Variants in TRIOBP observed in about 807,000 individuals in gnomAD.
TRIOBP encodes the protein TRIO and F-actin binding protein, also known as TRIO and F-actin-binding protein.
In TRIOBP, 169 loss-of-function variants were observed where a neutral mutation model predicts 238.8. The ratio of observed to expected loss-of-function variants is 0.71; its 90% CI spans 0.62 to 0.80. The LOEUF is 0.80. Ranked by LOEUF, TRIOBP falls within the 30% of genes least tolerant of loss-of-function variation. The pLI, the probability that TRIOBP is intolerant of heterozygous loss-of-function variation, is 0.00. For missense variants in TRIOBP, 2,838 were observed against 3,122.6 expected (o/e 0.91, Z 2.17); for synonymous variants, 1,150 against 1,274.4 (o/e 0.90, Z 2.08).
At position 37,759,245 on chromosome 22, in the gene TRIOBP, C is replaced by G. The variant is rs764692958; in HGVS notation, c.6305C>G (p.Pro2102Arg). Residue 2102 changes from proline (P) to arginine (R), a missense_variant, in exon 17 of 24, where the codon CCC becomes CGC. Physicochemically the swap from Pro to Arg is moderately radical, Grantham distance 103. This residue lies in a region of TRIOBP where 2,096 missense variants were observed against 2,137.4 expected (regional missense o/e 0.98). Transcript: ENST00000644935. ...ALRSQEDGHI[P>R]PGYISQEACE... ...AGATCCCAGGAGGATGGCCACATCC[C>G]CCCGGGCTACATCTCACAGGTAAGG... 2.5e-6 allele frequency: 4 copies of G among 1,613,082 alleles called. No individual in the cohort carries two copies. The Middle Eastern group carries it at 5.0e-4, about 200-fold the overall frequency.
chr22:37,698,103 G>A (rs1444214252), intron 2 of TRIOBP, among the ~76,000 whole-genome samples: 2 of 150,742 alleles, frequency 1.3e-5, no homozygotes, highest in South Asian at 2.1e-4. Context: ...GGGAGGCTGC[G>A]GCAGGAGAAT....
At chr22:37,746,289 G>C in intron 11 of TRIOBP, 1 of 1,090,394 alleles carries the variant, frequency 9.2e-7, no homozygotes, top group African/African-American at 1.7e-5. Flanking sequence ...AGGGCCGGAG[G>C]CGCGGCGGCG....
chr22:37,731,058 G>A (rs769306758), intron 7 of TRIOBP, among the ~76,000 whole-genome samples: 28 of 151,960 alleles, frequency 1.8e-4, no homozygotes, highest in Middle Eastern at 6.9e-3. Context: ...GCCAATAACT[G>A]CTAACAACTA....
intron 3 of TRIOBP, among the ~76,000 whole-genome samples, chr22:37,705,585 T>G (rs573020822): frequency 3.5e-5 from 5 of 143,638 alleles, no homozygotes; most frequent in South Asian, 2.1e-4. Flanking sequence ...TTTGTTTTTG[T>G]TTTTTTTTGA....
intron 15 of TRIOBP, among the ~76,000 whole-genome samples, 184 bp downstream of exon 15, chr22:37,755,843 A>T (rs1925891257): frequency 6.6e-6 from 1 of 152,208 alleles, no homozygotes; most frequent in East Asian, 1.9e-4. Flanking sequence ...TTGAGGTTTG[A>T]TCTGTCTTCT....
Position 37,734,539 on chromosome 22 carries a change from G to A in TRIOBP, c.4203G>A (p.Arg1401=), listed in dbSNP as rs1373823908. The change falls in exon 9 of 24, where the codon AGG becomes AGA. Residue 1401 remains arginine, a synonymous_variant. Transcript: ENST00000644935. The stretch of plus-strand genomic sequence containing the variant: ...CGCTGCCCCCCAGGACATCAGCCAG[G>A]ACCCCTGAGAGGGAGCTGCGGACAC... ...GSPLPPRTSA[R]TPERELRTQR... is the part of the protein sequence containing the mutation. 1 of 1,599,294 alleles carries A rather than the reference G, an allele frequency of 6.3e-7. No individual in the cohort carries two copies. The highest frequency in any genetic ancestry group is 1.7e-5 in the Admixed American group (1 of 57,316).
chr22:37,718,100 G>A (rs1313129190), intron 6 of TRIOBP, among the ~76,000 whole-genome samples: 3 of 152,334 alleles, frequency 2.0e-5, no homozygotes, highest in Admixed American at 1.3e-4. Context: ...GCCCCTCATT[G>A]CCCGGGGCCG....
chr22:37,744,677 T>G (rs575261512), intron 11 of TRIOBP, among the ~76,000 whole-genome samples: 1 of 152,002 alleles, frequency 6.6e-6, no homozygotes, highest in South Asian at 2.1e-4. Flanking sequence ...ACTGCCTGAG[T>G]GAGGTGCAAG....
rs774457490 is a variant in TRIOBP, at chr22:37,734,700, G to T, written c.4364G>T (p.Gly1455Val). The T allele has an allele frequency of 6.2e-7, 1 of 1,607,116 alleles. No homozygotes were observed. The highest frequency in any genetic ancestry group is 1.7e-5 in the Admixed American group (1 of 58,876). Residue 1455 changes from glycine (G) to valine (V), a missense_variant, in exon 9 of 24, where the codon GGC becomes GTC. Physicochemically the swap from Gly to Val is moderately radical, Grantham distance 109. This residue lies in a region of TRIOBP where 2,096 missense variants were observed against 2,137.4 expected (regional missense o/e 0.98). Transcript: ENST00000644935. ...RSWSSQEGGLGPGGWWGCGEP... is the reference protein window; with the variant it reads ...RSWSSQEGGLVPGGWWGCGEP... ...TGGAGCAGCCAGGAGGGAGGCCTGGGCCCTGGGGGCTGGTGGGGATGTGGA... is the reference window on the plus strand; with the variant it reads ...TGGAGCAGCCAGGAGGGAGGCCTGGTCCCTGGGGGCTGGTGGGGATGTGGA...
chr22:37,751,683 G>A lies in TRIOBP; in HGVS notation c.5323-89G>A, dbSNP rs1157638235. ...CAGGAGCTCGGTCCCACAGGACTTG[G>A]GGACAGGGTGGGTGCAGCACGCTCC... is the stretch of plus-strand genomic sequence containing the variant. On this transcript the variant is annotated intron_variant, in intron 11 of 23. Coordinates refer to ENST00000644935, the MANE Select transcript of TRIOBP (RefSeq NM_001039141.3). 5 of 1,477,606 alleles carry A rather than the reference G, an allele frequency of 3.4e-6. No individual in the cohort carries two copies. The East Asian group carries it at 9.1e-5, about 27-fold the overall frequency. The allele number at this position is 1,477,606 out of a possible 1,614,324, so 91.5% of individuals were successfully genotyped here.
At chr22:37,720,823 T>C (rs1923783566) in intron 6 of TRIOBP, among the ~76,000 whole-genome samples, 1 of 152,036 alleles carries the variant, frequency 6.6e-6, no homozygotes, top group South Asian at 2.1e-4. Context: ...AAACGTATTT[T>C]AGAATGCCAT....
rs56404461 is a variant in TRIOBP, at chr22:37,758,085, C to T, written c.6160C>T (p.Arg2054Cys). Residue 2054 changes from arginine to cysteine, a missense_variant, in exon 16 of 24, where the codon CGC becomes TGC. By Grantham distance (180) the Arg-to-Cys change is radical (BLOSUM62 -3). Coordinates refer to ENST00000644935, the MANE Select transcript of TRIOBP (RefSeq NM_001039141.3). ...CCTCACTGCCCTGCTCAACCAAAGCCGCGGAGAGCGCCGAGGGCCCCCAAG... is the reference window on the plus strand; with the variant it reads ...CCTCACTGCCCTGCTCAACCAAAGCTGCGGAGAGCGCCGAGGGCCCCCAAG... ...VPLTALLNQS[R>C]GERRGPPSDG... is the part of the protein sequence containing the mutation. 1.7e-5 allele frequency: 27 copies of T among 1,611,378 alleles called. No homozygotes were observed. Among genetic ancestry groups the T allele is most frequent in the Non-Finnish European group, 1.9e-5 (22 of 1,179,998 alleles).
In TRIOBP at chr22:37,735,340, A is replaced by C. The variant is rs1190570746; in HGVS notation, c.5004A>C (p.Lys1668Asn). The C allele has an allele frequency of 1.2e-6, 2 of 1,613,362 alleles. No homozygotes were observed. Among genetic ancestry groups the C allele is most frequent in the South Asian group, 2.2e-5 (2 of 91,086 alleles). Residue 1668 changes from lysine (K) to asparagine (N), a missense_variant, in exon 9 of 24, where the codon AAA becomes AAC. By Grantham distance (94) the Lys-to-Asn change is moderately conservative (BLOSUM62 0). Transcript: ENST00000644935. ...ACTSTQWPKI[K>N]VTRGPATATL... ...CCTCCACCCAGTGGCCAAAGATCAAAGTGACAAGAGGACCAGCGACCGCAA... is the reference window on the plus strand; with the variant it reads ...CCTCCACCCAGTGGCCAAAGATCAACGTGACAAGAGGACCAGCGACCGCAA...
rs565825009 is a variant in TRIOBP at position 37,713,038 on chromosome 22, A to G, written c.255-172A>G. The stretch of plus-strand genomic sequence containing the variant: ...AAAAAAGGGATGCTGTTTTAGCTCA[A>G]TGAGGCAATCCATATAAAAAGTCTG... On this transcript the variant is annotated intron_variant, in intron 4 of 23. Transcript: ENST00000644935. Among the ~76,000 whole-genome samples, 16 of 152,088 alleles carry G rather than the reference A, an allele frequency of 1.1e-4. No individual in the cohort carries two copies. The South Asian group carries it at 3.1e-3, about 30-fold the overall frequency.
At position 37,710,601 on chromosome 22, in the gene TRIOBP, T is replaced by C. The variant is rs1285527761; in HGVS notation, c.254+35T>C. 2.5e-6 allele frequency: 4 copies of C among 1,594,566 alleles called. No individual in the cohort carries two copies. In the African/African-American group the frequency reaches 5.4e-5, roughly 21 times the overall value. On this transcript the variant is annotated intron_variant, in intron 4 of 23. Transcript: ENST00000644935. ...GTCCCAGGGCCCAGGAAGGGCTTCATGGGGTGGAATGCCCTCACCCTTCCC... is the reference window on the plus strand; with the variant it reads ...GTCCCAGGGCCCAGGAAGGGCTTCACGGGGTGGAATGCCCTCACCCTTCCC...
At chr22:37,766,432 G>A (rs1248480690) in intron 18 of TRIOBP, among the ~76,000 whole-genome samples, 1 of 152,250 alleles carries the variant, frequency 6.6e-6, no homozygotes, top group Non-Finnish European at 1.5e-5. Flanking sequence ...CCAGTGCTGT[G>A]CCAAGTGCTC....
rs368558723 is a variant in TRIOBP at position 37,755,542 on chromosome 22, C to T, written c.5578-8C>T. ...ATGTGGCAACCTACCCATGCGGTGG[C>T]CTTGCAGACCAAGGATGCTGTCTAT... On this transcript the variant is annotated splice_polypyrimidine_tract_variant and splice_region_variant and intron_variant, in intron 14 of 23. Coordinates refer to ENST00000644935, the MANE Select transcript of TRIOBP (RefSeq NM_001039141.3). 7 of 1,613,080 alleles carry T rather than the reference C, an allele frequency of 4.3e-6. No homozygotes were observed. In the African/African-American group the frequency reaches 6.7e-5, roughly 15 times the overall value.
chr22:37,743,556 G>C (rs1234267464), intron 11 of TRIOBP, among the ~76,000 whole-genome samples: 1 of 152,220 alleles, frequency 6.6e-6, no homozygotes, highest in Non-Finnish European at 1.5e-5. Context: ...TGGTTTCCAA[G>C]ATGTAGACAA....
chr22:37,747,540 G>T (rs938257639), intron 11 of TRIOBP, among the ~76,000 whole-genome samples: 1 of 152,202 alleles, frequency 6.6e-6, no homozygotes, highest in Non-Finnish European at 1.5e-5. Flanking sequence ...GACTTCCTCG[G>T]CGTCCTCCTG....
Sources: gnomAD v4.1 joint callset for allele counts (sites outside exome capture counted in the v4.1 genomes callset) on GRCh38, gnomAD v4.1.1 for gene constraint, gnomAD v4.1.1 regional missense constraint, MANE v1.5 for transcripts, NCBI Gene and HGNC (gene_info 2026-07-23, HGNC 2026-07-21) for gene names.